The following ZNF559 variants were observed in gnomAD, a reference collection of about 807,000 sequenced individuals.
ZNF559 encodes zinc finger protein 559.
Under a neutral mutation model 14.2 loss-of-function variants are expected in ZNF559, and 17 were observed. The observed-to-expected ratio is 1.20, with a 90% CI of 0.82 to 1.80. The LOEUF is 1.80. Among genes scored for constraint, ZNF559 ranks in the 40% most tolerant of loss-of-function variants. The pLI, the probability that ZNF559 is intolerant of heterozygous loss-of-function variation, is 0.00. For synonymous variants in ZNF559, 244 were observed against 212.4 expected (o/e 1.15, Z -1.29); for missense variants, 740 against 629.7 (o/e 1.18, Z -1.88).
Position 9,324,244 on chromosome 19 carries a change from T to C in ZNF559, c.-206+16T>C, listed in dbSNP as rs772454829. Reference sequence around the variant, plus strand: ...GGCGTCTGAGGTAAGTTTTTGTTTCTGGGCGGCGTTCGGTGGTGTCCCGGT... The same window carrying C: ...GGCGTCTGAGGTAAGTTTTTGTTTCCGGGCGGCGTTCGGTGGTGTCCCGGT... On this transcript the variant is annotated intron_variant, in intron 1 of 6. Transcript: ENST00000603380. 2.6e-6 allele frequency: 4 copies of C among 1,536,032 alleles called. No individual in the cohort carries two copies. Among genetic ancestry groups the C allele is most frequent in the South Asian group, 1.2e-5 (1 of 84,046 alleles).
chr19:9,331,480 AAG>A (rs2066932030), intron 2 of ZNF559, among the ~76,000 whole-genome samples: 1 of 152,222 alleles, frequency 6.6e-6, no homozygotes, highest in South Asian at 2.1e-4. Context: ...ATGATAACCA[AAG>A]GACAGCAGGA....
At chr19:9,341,320 G>A in intron 6 of ZNF559, 136 bp downstream of exon 6, 3 of 861,494 alleles carry the variant, frequency 3.5e-6, no homozygotes, top group Non-Finnish European at 5.8e-6. Context: ...CTGTCTCTTG[G>A]AGAGACTATG....
chr19:9,325,355 T>A (rs1257804119), intron 2 of ZNF559, among the ~76,000 whole-genome samples: 1 of 151,866 alleles, frequency 6.6e-6, no homozygotes, highest in Non-Finnish European at 1.5e-5. Flanking sequence ...GATGCGAGGA[T>A]CACTTGAGCA....
chr19:9,330,057 C>T (rs1430786703), intron 2 of ZNF559: 1 of 152,084 alleles, frequency 6.6e-6, no homozygotes, highest in African/African-American at 2.4e-5. Flanking sequence ...TTGTTATTAC[C>T]ATTTACTTCA....
intron 5 of ZNF559, 126 bp from the exon 6 acceptor site, chr19:9,340,976 T>A: frequency 1.3e-6 from 1 of 768,044 alleles, no homozygotes. Flanking sequence ...TCCCGTTCTT[T>A]AAAAAAACAA....
In ZNF559 at chr19:9,343,247, G is replaced by GA; in HGVS notation, c.*183dup. On this transcript the variant is annotated 3_prime_UTR_variant, in exon 7 of 7. Coordinates refer to ENST00000603380, the MANE Select transcript of ZNF559 (RefSeq NM_032497.3). Reference sequence around the variant, plus strand: ...AGACATATGAATGTAAGGAATGTGGGAAAATCTTGGCTCCTTCCATAGGCC... The same window carrying GA: ...AGACATATGAATGTAAGGAATGTGGGAAAAATCTTGGCTCCTTCCATAGGCC... 7.1e-7 allele frequency: 1 copy of GA among 1,416,916 alleles called. No homozygotes were observed. Among genetic ancestry groups the GA allele is most frequent in the African/African-American group, 1.4e-5 (1 of 69,392 alleles). 87.8% of individuals were successfully genotyped at this position (1,416,916 alleles called of 1,614,324 possible). A position where few individuals can be genotyped will look rare whatever the true frequency, so the allele number is the denominator to read the frequency against.
rs368153050 is a variant in ZNF559, at chr19:9,342,422, C to T, written c.971C>T (p.Pro324Leu). The T allele has an allele frequency of 7.4e-6, 12 of 1,614,106 alleles. No homozygotes were observed. The highest frequency in any genetic ancestry group is 1.1e-5 in the South Asian group (1 of 91,078). The change falls in exon 7 of 7, where the codon CCG becomes CTG. Residue 324 changes from proline to leucine, a missense_variant. Pro to Leu is a moderately conservative substitution (Grantham distance 98). Transcript: ENST00000603380. ...IHIRVHTGEK[P>L]YECNKCGKAF... ...ATAAGGGTTCACACTGGAGAAAAAC[C>T]GTATGAGTGCAACAAATGTGGGAAA... is the stretch of plus-strand genomic sequence containing the variant.
Position 9,342,319 on chromosome 19 carries a change from C to G in ZNF559, c.868C>G (p.Leu290Val), listed in dbSNP as rs762231362. 6.2e-7 allele frequency: 1 copy of G among 1,600,622 alleles called. No homozygotes were observed. Among genetic ancestry groups the G allele is most frequent in the South Asian group, 1.1e-5 (1 of 88,566 alleles). ...CCCAGATCTTGCTAAACATATAAGA[C>G]TTAGAACTAGAGGAAAACACTATGT... is the stretch of plus-strand genomic sequence containing the variant. The part of the protein sequence containing the change: ...FSPDLAKHIR[L>V]RTRGKHYVCN... Residue 290 changes from leucine (L) to valine (V), a missense_variant, in exon 7 of 7, where the codon CTT (leucine) becomes GTT (valine). Leu to Val is a conservative substitution (Grantham distance 32). Coordinates refer to ENST00000603380, the MANE Select transcript of ZNF559 (RefSeq NM_032497.3).
In ZNF559 at chr19:9,343,257, G is replaced by C. The variant is rs1025506517; in HGVS notation, c.*189G>C. 2 of 1,408,146 alleles carry C rather than the reference G, an allele frequency of 1.4e-6. No individual in the cohort carries two copies. Among genetic ancestry groups the C allele is most frequent in the Non-Finnish European group, 1.8e-6 (2 of 1,083,768 alleles). The allele number at this position is 1,408,146 out of a possible 1,614,324, so 87.2% of individuals were successfully genotyped here. On this transcript the variant is annotated 3_prime_UTR_variant, in exon 7 of 7. Coordinates refer to ENST00000603380, the MANE Select transcript of ZNF559 (RefSeq NM_032497.3). ...ATGTAAGGAATGTGGGAAAATCTTG[G>C]CTCCTTCCATAGGCCTTACTATTCA...
rs1470871919 is a variant in ZNF559, at chr19:9,343,911, CT to C, written c.*846del. ...CTCTTTATTATTGAGGAGTTCCACT[CT>C]TTCCCCCATTTGTCACTACTACACT... On this transcript the variant is annotated 3_prime_UTR_variant, in exon 7 of 7. Coordinates refer to ENST00000603380, the MANE Select transcript of ZNF559 (RefSeq NM_032497.3). 1 of 710,160 alleles carries C rather than the reference CT, an allele frequency of 1.4e-6. No individual in the cohort carries two copies. The highest frequency in any genetic ancestry group is 1.9e-5 in the African/African-American group (1 of 51,820). The allele number at this position is 710,160 out of a possible 1,614,324, so 44.0% of individuals were successfully genotyped here.
rs1044108451 is a variant in ZNF559, at chr19:9,324,473, T to G, written c.-205-222T>G. 4.2e-6 allele frequency: 6 copies of G among 1,415,902 alleles called. No individual in the cohort carries two copies. In the African/African-American group the frequency reaches 8.7e-5, roughly 20 times the overall value. The allele number at this position is 1,415,902 out of a possible 1,614,324, so 87.7% of individuals were successfully genotyped here. On this transcript the variant is annotated intron_variant, in intron 1 of 6. Coordinates refer to ENST00000603380, the MANE Select transcript of ZNF559 (RefSeq NM_032497.3). Reference sequence around the variant, plus strand: ...CGGGAGGAGGCGGGGGGCACGGCCTTTCCATTTTCCCTGCTCCCCTCTGCA... The same window carrying G: ...CGGGAGGAGGCGGGGGGCACGGCCTGTCCATTTTCCCTGCTCCCCTCTGCA...
At chr19:9,338,062 CTG>C (rs1568364702) in intron 3 of ZNF559, 3 of 1,490,550 alleles carry the variant, frequency 2.0e-6, no homozygotes, top group Admixed American at 2.0e-5. Flanking sequence ...TTTAACCAGT[CTG>C]TGAACAGCTT....
chr19:9,339,821 T>C (rs1038487063), intron 5 of ZNF559, among the ~76,000 whole-genome samples: 1 of 149,528 alleles, frequency 6.7e-6, no homozygotes, highest in Admixed American at 6.7e-5. Context: ...CAGGCTGGAG[T>C]GCAGTGGCGT....
intron 2 of ZNF559, among the ~76,000 whole-genome samples, chr19:9,336,720 C>T (rs1204070495): frequency 6.6e-6 from 1 of 152,100 alleles, no homozygotes; most frequent in African/African-American, 2.4e-5. Flanking sequence ...AGTACATTAC[C>T]TCACAAAGAT....
intron 2 of ZNF559, among the ~76,000 whole-genome samples, chr19:9,334,116 C>T (rs997820453): frequency 6.6e-5 from 10 of 152,160 alleles, no homozygotes; most frequent in Non-Finnish European, 1.2e-4. Context: ...CCCTTAAATG[C>T]GACCATATAA....
intron 2 of ZNF559, among the ~76,000 whole-genome samples, chr19:9,326,511 C>T (rs2066614689): frequency 6.6e-6 from 1 of 152,114 alleles, no homozygotes; most frequent in Non-Finnish European, 1.5e-5. Context: ...TTTGATTTAC[C>T]TATGTCCTGT....
chr19:9,324,808 T>G, intron 2 of ZNF559, 28 bp downstream of exon 2: 1 of 1,527,434 alleles, frequency 6.5e-7, no homozygotes, highest in Non-Finnish European at 8.8e-7. Flanking sequence ...TTGTTCTGGC[T>G]GTGGGTGTCG....
chr19:9,325,995 T>C (rs2066573407), intron 2 of ZNF559, among the ~76,000 whole-genome samples: 1 of 151,684 alleles, frequency 6.6e-6, no homozygotes, highest in African/African-American at 2.4e-5. Flanking sequence ...CCAAATCAAA[T>C]CAGATTTCCC....
At chr19:9,330,181 A>C (rs2066862353) in intron 2 of ZNF559, 1 of 152,206 alleles carries the variant, frequency 6.6e-6, no homozygotes, top group Non-Finnish European at 1.5e-5. Flanking sequence ...TCTGCTGAGA[A>C]ATCAAAGGGT....
Sources: allele counts gnomAD v4.1 joint callset (sites outside exome capture counted in the v4.1 genomes callset), GRCh38; gene constraint gnomAD v4.1.1; transcripts MANE v1.5; gene names NCBI Gene and HGNC (gene_info 2026-07-23, HGNC 2026-07-21).